NUP155: variants seen among roughly 807,000 people sequenced by gnomAD.
The protein encoded by NUP155 is nucleoporin 155, also known as nuclear pore complex protein Nup155.
A neutral mutation model predicts 180.4 loss-of-function variants in NUP155; 71 were observed. That is an observed-to-expected ratio of 0.39 (90% CI 0.33 to 0.48). The LOEUF (loss-of-function observed/expected upper bound fraction) is 0.48. Ranked by LOEUF, NUP155 falls within the 20% of genes least tolerant of loss-of-function variation. The pLI is 0.91. For synonymous variants in NUP155, 582 were observed against 559.5 expected, an observed-to-expected ratio of 1.04 and a Z score of -0.57; for missense variants, 1,553 against 1,648.9, an observed-to-expected ratio of 0.94 and a Z score of 1.01.
intron 21 of NUP155, among the ~76,000 whole-genome samples, chr5:37,314,963 G>A (rs1743790778): frequency 6.6e-6 from 1 of 152,192 alleles, no homozygotes; most frequent in South Asian, 2.1e-4. Context: ...CAGGCGTGGT[G>A]GCTCACGCAA....
At chr5:37,328,679 A>G (rs1193061889) in intron 16 of NUP155, among the ~76,000 whole-genome samples, 1 of 152,044 alleles carries the variant, frequency 6.6e-6, no homozygotes, top group Non-Finnish European at 1.5e-5. Context: ...TACTTTTTGT[A>G]CTTTTAGTAG....
intron 10 of NUP155, among the ~76,000 whole-genome samples, chr5:37,342,110 C>T (rs1433363705): frequency 6.6e-6 from 1 of 152,192 alleles, no homozygotes; most frequent in Non-Finnish European, 1.5e-5. Flanking sequence ...ATAATCTCAG[C>T]TCACTGTAGC....
chr5:37,299,474 G>A lies in NUP155; in HGVS notation c.3656C>T (p.Thr1219Ile), dbSNP rs756905562. The A allele has an allele frequency of 8.1e-6, 13 of 1,614,062 alleles. No homozygotes were observed. The South Asian group carries it at 1.4e-4, about 18-fold the overall frequency. Residue 1219 changes from threonine (T) to isoleucine (I), a missense_variant, in exon 31 of 35, where the codon ACA (threonine) becomes ATA (isoleucine). Physicochemically the swap from Thr to Ile is moderately conservative, Grantham distance 89. Coordinates refer to ENST00000231498, the MANE Select transcript of NUP155 (RefSeq NM_153485.3). ...AGYSDPILVQTLWQDIIEKEL... is the reference protein window; with the variant it reads ...AGYSDPILVQILWQDIIEKEL... ...TTTCTCTATGATATCTTGCCAAAGTGTCTGCACCAATATAGGGTCTGAATA... is the reference window on the plus strand; with the variant it reads ...TTTCTCTATGATATCTTGCCAAAGTATCTGCACCAATATAGGGTCTGAATA...
intron 9 of NUP155, among the ~76,000 whole-genome samples, chr5:37,347,401 TA>T (rs1425640989): frequency 1.3e-5 from 2 of 151,756 alleles, no homozygotes; most frequent in East Asian, 2.0e-4. Flanking sequence ...AACATAAGAA[TA>T]AAAGAGTCTC....
chr5:37,310,003 G>A (rs994718427), intron 23 of NUP155, among the ~76,000 whole-genome samples: 3 of 151,636 alleles, frequency 2.0e-5, no homozygotes, highest in Non-Finnish European at 2.9e-5. Flanking sequence ...AGCTGAGATC[G>A]TACTCAGTCT....
At chr5:37,357,590 G>A (rs1198115131) in intron 4 of NUP155, among the ~76,000 whole-genome samples, 1 of 151,950 alleles carries the variant, frequency 6.6e-6, no homozygotes, top group Non-Finnish European at 1.5e-5. Context: ...ATTTTTAAAG[G>A]CAGTGTCACT....
At chr5:37,350,819 TAAAAAAAAAA>T (rs57132136) in intron 6 of NUP155, among the ~76,000 whole-genome samples, 5 of 100,492 alleles carry the variant, frequency 5.0e-5, no homozygotes, top group South Asian at 6.2e-4. Flanking sequence ...CCATCACATT[TAAAAAAAAAA>T]AAAAAAAAAA....
chr5:37,334,739 G>A (rs1745206927), intron 12 of NUP155, among the ~76,000 whole-genome samples: 1 of 152,086 alleles, frequency 6.6e-6, no homozygotes, highest in Non-Finnish European at 1.5e-5. Flanking sequence ...GAGGACAAGG[G>A]CAAACTTTTC....
intron 3 of NUP155, 66 bp downstream of exon 3, chr5:37,363,822 A>T (rs576872322): frequency 1.9e-6 from 2 of 1,045,770 alleles, no homozygotes; most frequent in East Asian, 2.4e-5. Flanking sequence ...TAATGAGAAC[A>T]CTAGCTACAG....
rs1277280852 is a variant in NUP155 at position 37,371,018 on chromosome 5, A to C, written c.-41T>G. 6.2e-7 allele frequency: 1 copy of C among 1,601,432 alleles called. No individual in the cohort carries two copies. Among genetic ancestry groups the C allele is most frequent in the Non-Finnish European group, 8.5e-7 (1 of 1,170,854 alleles). On this transcript the variant is annotated 5_prime_UTR_variant, in exon 1 of 35. Transcript: ENST00000231498. ...CACCAGGGTCCAGAAAAAGTCAAAA[A>C]CCAAGGAGAAACAAGAAAAGATCCA... is the stretch of plus-strand genomic sequence containing the variant.
At chr5:37,296,688 A>AAAATAAATAAATAAATAAATAAAT (rs59874319) in intron 32 of NUP155, among the ~76,000 whole-genome samples, 21 of 150,600 alleles carry the variant, frequency 1.4e-4, no homozygotes, top group African/African-American at 5.2e-4. Context: ...ATGATCAATA[A>AAAATAAATAAATAAATAAATAAAT]AAATAAATAA....
chr5:37,295,191 T>C lies in NUP155; in HGVS notation c.3794-726A>G, dbSNP rs1039076074. 8.5e-5 allele frequency among the ~76,000 whole-genome samples: 13 copies of C among 152,076 alleles called. No homozygotes were observed. In the East Asian group the frequency reaches 1.3e-3, roughly 16 times the overall value. ...CCTGCCGAGTGCCTGCGATTGCAGGTGCGCGCCGCCACGCCTGACTGGTTT... is the reference window on the plus strand; with the variant it reads ...CCTGCCGAGTGCCTGCGATTGCAGGCGCGCGCCGCCACGCCTGACTGGTTT... On this transcript the variant is annotated intron_variant, in intron 32 of 34. Transcript: ENST00000231498.
chr5:37,330,280 A>T (rs576732418), intron 14 of NUP155, 148 bp from the exon 15 acceptor site: 81 of 661,122 alleles, frequency 1.2e-4, no homozygotes, highest in South Asian at 8.5e-4. Flanking sequence ...GTTAGTGTTA[A>T]AAAGACAAGT....
At chr5:37,363,384 A>T (rs1198394657) in intron 3 of NUP155, among the ~76,000 whole-genome samples, 2 of 152,234 alleles carry the variant, frequency 1.3e-5, no homozygotes, top group Non-Finnish European at 2.9e-5. Flanking sequence ...AAAAGTCAAC[A>T]GGGAGATCAC....
At chr5:37,369,125 G>A (rs1026298632) in intron 1 of NUP155, among the ~76,000 whole-genome samples, 6 of 152,078 alleles carry the variant, frequency 3.9e-5, no homozygotes, top group Admixed American at 6.6e-5. Context: ...GGTGGCAGGC[G>A]CCTGTAGTCC....
chr5:37,290,821 C>A lies in NUP155; in HGVS notation c.*1079G>T, dbSNP rs1742201402. On this transcript the variant is annotated 3_prime_UTR_variant, in exon 35 of 35. Transcript: ENST00000231498. ...ACATAGAAAGCAGGGCCTCATCCCC[C>A]ACGTTTTTGATTCAGTAGGTCTGGG... The A allele has an allele frequency of 6.6e-6, 1 of 152,144 alleles. No individual in the cohort carries two copies. Among genetic ancestry groups the A allele is most frequent in the Non-Finnish European group, 1.5e-5 (1 of 68,016 alleles). The allele number at this position is 152,144 out of a possible 1,614,324, so 9.4% of individuals were successfully genotyped here.
At chr5:37,310,843 ACT>A (rs1359204438) in intron 22 of NUP155, 100 bp from the exon 23 acceptor site, 6 of 996,044 alleles carry the variant, frequency 6.0e-6, no homozygotes, top group Admixed American at 2.5e-5. Context: ...ATATTAATAG[ACT>A]CTATAATTGA....
rs749854431 is a variant in NUP155, at chr5:37,364,259, C to G, written c.283G>C (p.Glu95Gln). The G allele has an allele frequency of 3.7e-6, 6 of 1,612,868 alleles. No homozygotes were observed. Among genetic ancestry groups the G allele is most frequent in the Non-Finnish European group, 5.1e-6 (6 of 1,178,904 alleles). Residue 95 changes from glutamate (E) to glutamine (Q), a missense_variant, in exon 2 of 35, where the codon GAG (glutamate) becomes CAG (glutamine). Glu to Gln is a conservative substitution (Grantham distance 29). Coordinates refer to ENST00000231498, the MANE Select transcript of NUP155 (RefSeq NM_153485.3). ...RRVPLPPELVEQFGHMQCNCM... is the reference protein window; with the variant it reads ...RRVPLPPELVQQFGHMQCNCM... ...AGTAATAGGATACGTCCAAACTGCTCAACAAGTTCAGGTGGGAGAGGAACT... is the reference window on the plus strand; with the variant it reads ...AGTAATAGGATACGTCCAAACTGCTGAACAAGTTCAGGTGGGAGAGGAACT...
At chr5:37,301,203 T>C (rs1487278596) in intron 30 of NUP155, 1 of 450,884 alleles carries the variant, frequency 2.2e-6, no homozygotes, top group Non-Finnish European at 4.1e-6. Context: ...ACAGCTCTCA[T>C]GCGAGGATGA....
Sources: gnomAD v4.1 joint callset for allele counts (sites outside exome capture counted in the v4.1 genomes callset) on GRCh38, gnomAD v4.1.1 for gene constraint, MANE v1.5 for transcripts, NCBI Gene and HGNC (gene_info 2026-07-23, HGNC 2026-07-21) for gene names.